Variants in MYBPC3 observed in about 807,000 individuals in gnomAD.
The protein encoded by MYBPC3 is myosin binding protein C3.
MYBPC3 carries 108 observed loss-of-function variants against 159.3 expected under a neutral mutation model. The observed-to-expected ratio is 0.68, with a 90% CI of 0.58 to 0.80. The LOEUF (loss-of-function observed/expected upper bound fraction) is 0.80, where lower values mean the gene tolerates loss of function less well. Ranked by LOEUF, MYBPC3 falls within the 30% of genes least tolerant of loss-of-function variation. MYBPC3 has a pLI of 0.00. For missense variants in MYBPC3, 1,631 were observed against 1,762.1 expected (o/e 0.93, Z 1.33); for synonymous variants, 730 against 702.0 (o/e 1.04, Z -0.63).
Position 47,333,315 on chromosome 11 carries a change from T to TG in MYBPC3, c.3208dup (p.Gln1070ProfsTer7). Reference sequence around the variant, plus strand: ...CCAGGCGTCAGTCACCCGGAGATCCTGGGGAGGACTTGGCTTGTCTGCGGG... The same window carrying TG: ...CCAGGCGTCAGTCACCCGGAGATCCTGGGGGAGGACTTGGCTTGTCTGCGGG... On this transcript the variant is annotated frameshift_variant, in exon 30 of 35. Transcript: ENST00000545968. LOFTEE classifies it high-confidence loss of function. 6.3e-7 allele frequency: 1 copy of TG among 1,583,908 alleles called. No individual in the cohort carries two copies. The highest frequency in any genetic ancestry group is 8.6e-7 in the Non-Finnish European group (1 of 1,163,586).
At position 47,334,006 on chromosome 11, in the gene MYBPC3, C is replaced by T; in HGVS notation, c.2910G>A (p.Arg970=). The part of the protein sequence containing the change: ...EPVTVQEILQ[R]PRLQLPRHLR... ...GGTGCCTGGGCAGCTGAAGCCGTGG[C>T]CGTTCTGTGGGTATAGAGTGGGTAG... The change falls in exon 28 of 35, where the codon CGG becomes CGA. Residue 970 remains arginine (R), a synonymous_variant. Transcript: ENST00000545968. 1 of 1,575,674 alleles carries T rather than the reference C, an allele frequency of 6.3e-7. No homozygotes were observed.
chr11:47,347,292 C>A, intron 9 of MYBPC3, 134 bp downstream of exon 9: 2 of 1,523,596 alleles, frequency 1.3e-6, no homozygotes, highest in Non-Finnish European at 1.8e-6. Flanking sequence ...CTGGGATCAT[C>A]CCCTCGACAG....
intron 34 of MYBPC3, 28 bp from the exon 35 acceptor site, chr11:47,331,744 A>G: frequency 8.2e-7 from 1 of 1,222,862 alleles, no homozygotes; most frequent in Non-Finnish European, 1.1e-6. Context: ...TTACGAGTGA[A>G]TGGAGGGCCC....
At position 47,332,328 on chromosome 11, in the gene MYBPC3, G is replaced by C; in HGVS notation, c.3628-70C>G. 3 of 1,547,920 alleles carry C rather than the reference G, an allele frequency of 1.9e-6. No individual in the cohort carries two copies. The South Asian group carries it at 3.4e-5, about 17-fold the overall frequency. The stretch of plus-strand genomic sequence containing the variant: ...AGGGGACCTGGCAGGGACCCAGGGA[G>C]ACACATCTGTGTTTCTACTCGGGGG... On this transcript the variant is annotated intron_variant, in intron 32 of 34. Coordinates refer to ENST00000545968, the MANE Select transcript of MYBPC3 (RefSeq NM_000256.3). The surrounding 1 kb of genome is among the most constrained non-coding windows in gnomAD (Gnocchi z 4.2).
At position 47,333,305 on chromosome 11, in the gene MYBPC3, C is replaced by G; in HGVS notation, c.3219G>C (p.Arg1073=). ...VDKPSPPQDL[R]VTDAWGLNVA... is the part of the protein sequence containing the mutation. ...CATTAAGACCCCAGGCGTCAGTCAC[C>G]CGGAGATCCTGGGGAGGACTTGGCT... is the stretch of plus-strand genomic sequence containing the variant. Residue 1073 remains arginine (R), a synonymous_variant, in exon 30 of 35, where the codon CGG becomes CGC. Coordinates refer to ENST00000545968, the MANE Select transcript of MYBPC3 (RefSeq NM_000256.3). The G allele has an allele frequency of 1.3e-6, 2 of 1,588,616 alleles. No homozygotes were observed. Among genetic ancestry groups the G allele is most frequent in the Non-Finnish European group, 1.7e-6 (2 of 1,166,636 alleles).
At chr11:47,333,061 C>T (rs1595841382) in intron 30 of MYBPC3, 88 bp from the exon 31 acceptor site, 1 of 1,532,478 alleles carries the variant, frequency 6.5e-7, no homozygotes, top group African/African-American at 1.4e-5. Flanking sequence ...GCATCTCCAC[C>T]CCTACTATGG....
intron 20 of MYBPC3, among the ~76,000 whole-genome samples, chr11:47,340,621 C>G (rs545587581): frequency 6.6e-6 from 1 of 152,034 alleles, no homozygotes; most frequent in Non-Finnish European, 1.5e-5. Flanking sequence ...GAGCCGAGAT[C>G]GCGCCACTTC....
chr11:47,336,104 GGGGGCACTTCCTGTTCA>G, intron 25 of MYBPC3, 93 bp from the exon 26 acceptor site: 1 of 1,234,436 alleles, frequency 8.1e-7, no homozygotes. Flanking sequence ...TGGTCACATA[GGGGGCACTTCCTGTTCA>G]GCTGGCTTTT....
rs1392129637 is a variant in MYBPC3 at position 47,337,385 on chromosome 11, G to C, written c.2602+6C>G. On this transcript the variant is annotated splice_donor_region_variant and intron_variant, in intron 25 of 34. Transcript: ENST00000545968. ...CGGGGGGCAGGACCAGGCCAGGCAG[G>C]CTCACCGATAGGCATGAAGGGCTGG... 1 of 1,574,548 alleles carries C rather than the reference G, an allele frequency of 6.4e-7. No individual in the cohort carries two copies. The highest frequency in any genetic ancestry group is 1.1e-5 in the South Asian group (1 of 87,382).
Position 47,337,461 on chromosome 11 carries a change from C to T in MYBPC3, c.2532G>A (p.Met844Ile). Residue 844 changes from methionine to isoleucine, a missense_variant, in exon 25 of 35, where the codon ATG (methionine) becomes ATA (isoleucine). Transcript: ENST00000545968. ...RRMIEGVVYEMRVYAVNAIGM... is the reference protein window; with the variant it reads ...RRMIEGVVYEIRVYAVNAIGM... Reference sequence around the variant, plus strand: ...CGATGGCGTTGACCGCGTAGACGCGCATCTCGTACACCACGCCCTCGATCA... The same window carrying T: ...CGATGGCGTTGACCGCGTAGACGCGTATCTCGTACACCACGCCCTCGATCA... 6.2e-7 allele frequency: 1 copy of T among 1,613,752 alleles called. No homozygotes were observed. Among genetic ancestry groups the T allele is most frequent in the Non-Finnish European group, 8.5e-7 (1 of 1,179,868 alleles).
rs749130484 is a variant in MYBPC3, at chr11:47,332,962, G to A, written c.3342C>T (p.Thr1114=). Reference sequence around the variant, plus strand: ...GGGTGCGGCGGTAATGCTCCAAGACGGTGAACCACTCCTGGGGGCAGGGAG... The same window carrying A: ...GGGTGCGGCGGTAATGCTCCAAGACAGTGAACCACTCCTGGGGGCAGGGAG... ...KADKKTMEWF[T]VLEHYRRTHC... Residue 1114 remains threonine, a synonymous_variant, in exon 31 of 35, where the codon ACC becomes ACT. Coordinates refer to ENST00000545968, the MANE Select transcript of MYBPC3 (RefSeq NM_000256.3). This position sits in a 1 kb window ranked among gnomAD's most constrained non-coding sequence, Gnocchi z 4.2. 1.4e-5 allele frequency: 22 copies of A among 1,609,802 alleles called. No homozygotes were observed. The highest frequency in any genetic ancestry group is 1.6e-4 in the Middle Eastern group (1 of 6,076).
chr11:47,348,119 C>A (rs1484625587), intron 6 of MYBPC3, among the ~76,000 whole-genome samples: 3 of 152,208 alleles, frequency 2.0e-5, no homozygotes, highest in Non-Finnish European at 4.4e-5. Context: ...TCCCACCCAT[C>A]TCTCAACTCA....
chr11:47,351,965 G>A lies in MYBPC3; in HGVS notation c.26-460C>T, dbSNP rs1216398567. The stretch of plus-strand genomic sequence containing the variant: ...CTGGCCTGGGAGGGCGCTGGGGGAT[G>A]GGGACCTGGATCTCTGCCCTGGACA... On this transcript the variant is annotated intron_variant, in intron 1 of 34. Coordinates refer to ENST00000545968, the MANE Select transcript of MYBPC3 (RefSeq NM_000256.3). This position sits in a 1 kb window ranked among gnomAD's most constrained non-coding sequence, Gnocchi z 4.2. 6.6e-6 allele frequency among the ~76,000 whole-genome samples: 1 copy of A among 152,116 alleles called. No homozygotes were observed. The highest frequency in any genetic ancestry group is 1.5e-5 in the Non-Finnish European group (1 of 68,022).
At chr11:47,336,102 TA>T (rs1043041513) in intron 25 of MYBPC3, 91 bp from the exon 26 acceptor site, 45 of 1,221,044 alleles carry the variant, frequency 3.7e-5, no homozygotes, top group Non-Finnish European at 4.1e-5. Flanking sequence ...ACTGGTCACA[TA>T]GGGGGCACTT....
chr11:47,347,849 C>T lies in MYBPC3; in HGVS notation c.821+8G>A, dbSNP rs1362987965. The T allele has an allele frequency of 1.9e-6, 3 of 1,562,654 alleles. No homozygotes were observed. The African/African-American group carries it at 4.1e-5, about 21-fold the overall frequency. On this transcript the variant is annotated splice_region_variant and intron_variant, in intron 7 of 34. Transcript: ENST00000545968. ...GGCCTCCCCCAGGCCCTGAGGATGG[C>T]CACTCACGTGCGGCGGAAGGCTGAT...
chr11:47,352,677 A>G lies in MYBPC3; in HGVS notation c.-30T>C. On this transcript the variant is annotated 5_prime_UTR_variant, in exon 1 of 35. Transcript: ENST00000545968. Reference sequence around the variant, plus strand: ...AGAGACGTCACACCAGGCACGAAGCAGGCACAGGTCACCCAAAGAGGGACT... The same window carrying G: ...AGAGACGTCACACCAGGCACGAAGCGGGCACAGGTCACCCAAAGAGGGACT... The G allele has an allele frequency of 6.3e-7, 1 of 1,576,822 alleles. No individual in the cohort carries two copies. Among genetic ancestry groups the G allele is most frequent in the Non-Finnish European group, 8.6e-7 (1 of 1,162,296 alleles).
At position 47,347,652 on chromosome 11, in the gene MYBPC3, T is replaced by C. The variant is rs776075902; in HGVS notation, c.850A>G (p.Ser284Gly). 2 of 1,574,174 alleles carry C rather than the reference T, an allele frequency of 1.3e-6. No individual in the cohort carries two copies. Among genetic ancestry groups the C allele is most frequent in the Middle Eastern group, 1.7e-4 (1 of 5,728 alleles). The change falls in exon 8 of 35, where the codon AGT (serine) becomes GGT (glycine). Residue 284 changes from serine to glycine, a missense_variant and splice_region_variant. By Grantham distance (56) the Ser-to-Gly change is moderately conservative (BLOSUM62 0). Coordinates refer to ENST00000545968, the MANE Select transcript of MYBPC3 (RefSeq NM_000256.3). ...TSLAGGGRRI[S>G]DSHEDTGILD... ...AGGTAGGGCCTGGGGCAGGGGTACC[T>C]GATCCGCCGACCACCTCCAGCCAGG...
chr11:47,351,234 C>A lies in MYBPC3; in HGVS notation c.292+5G>T. 1 of 1,483,130 alleles carries A rather than the reference C, an allele frequency of 6.7e-7. No individual in the cohort carries two copies. The highest frequency in any genetic ancestry group is 1.2e-5 in the South Asian group (1 of 80,848). 91.9% of individuals were successfully genotyped at this position (1,483,130 alleles called of 1,614,324 possible). ...AACCTCAGGGAAGGCTGATCAGGAT[C>A]TTACCTGCCTCTATGACCTTGAGGT... On this transcript the variant is annotated splice_donor_5th_base_variant and intron_variant, in intron 2 of 34. Coordinates refer to ENST00000545968, the MANE Select transcript of MYBPC3 (RefSeq NM_000256.3). This position sits in a 1 kb window ranked among gnomAD's most constrained non-coding sequence, Gnocchi z 4.2.
chr11:47,352,124 C>G (rs1335184056), intron 1 of MYBPC3, among the ~76,000 whole-genome samples: 5 of 152,064 alleles, frequency 3.3e-5, no homozygotes, highest in Admixed American at 1.3e-4. Flanking sequence ...GGGGGCCACA[C>G]CGTACAGGCT....
Sources: allele counts gnomAD v4.1 joint callset (sites outside exome capture counted in the v4.1 genomes callset), GRCh38; gene constraint gnomAD v4.1.1; non-coding constraint Gnocchi (gnomAD v3.1); transcripts MANE v1.5; gene names NCBI Gene and HGNC (gene_info 2026-07-23, HGNC 2026-07-21).